The following PHKA1 variants were observed in gnomAD, a reference collection of about 807,000 sequenced individuals.
PHKA1 encodes the protein phosphorylase b kinase regulatory subunit alpha, skeletal muscle isoform.
Under a neutral mutation model 110.2 loss-of-function variants are expected in PHKA1, and 60 were observed. The observed-to-expected ratio is 0.54, with a 90% confidence interval of 0.44 to 0.68. The LOEUF (loss-of-function observed/expected upper bound fraction) is 0.68. PHKA1 is among the 30% of genes least tolerant of loss of function. PHKA1 has a pLI of 0.00. For synonymous variants in PHKA1, 316 were observed against 333.6 expected (o/e 0.95, Z 0.58); for missense variants, 801 against 942.5 (o/e 0.85, Z 1.97).
intron 23 of PHKA1, among the ~76,000 whole-genome samples, chrX:72,606,216 T>A (rs1202699575): frequency 8.9e-6 from 1 of 111,812 alleles, no homozygotes; most frequent in Non-Finnish European, 1.9e-5. Flanking sequence ...TAGAATGTAT[T>A]CCTTCTTTAA....
chrX:72,681,809 C>G, intron 5 of PHKA1, among the ~76,000 whole-genome samples: 1 of 37,808 alleles, frequency 2.6e-5, no homozygotes, highest in Non-Finnish European at 4.3e-5. Context: ...AGTGAGGAGC[C>G]CCTCTGCCCG....
chrX:72,623,911 T>C (rs2053016166), intron 17 of PHKA1, among the ~76,000 whole-genome samples: 1 of 111,917 alleles, frequency 8.9e-6, no homozygotes, highest in Non-Finnish European at 1.9e-5. Context: ...GTGCTGATAC[T>C]AAACTACAAA....
In PHKA1 at chrX:72,613,329, C is replaced by T. The variant is rs895240702; in HGVS notation, c.2370-2145G>A. ...TGGATAAATAGGGGTAAAATTATCC[C>T]CATATATGTCTGTGTTTACCTACAT... On this transcript the variant is annotated intron_variant, in intron 21 of 31. Coordinates refer to ENST00000373542, the MANE Select transcript of PHKA1 (RefSeq NM_002637.4). 7.4e-5 allele frequency among the ~76,000 whole-genome samples: 8 copies of T among 108,191 alleles called. No individual in the cohort carries two copies. In the Admixed American group the frequency reaches 8.0e-4, roughly 11 times the overall value. The allele number at this position is 108,191 out of a possible 115,157, so 94.0% of individuals were successfully genotyped here.
intron 22 of PHKA1, among the ~76,000 whole-genome samples, chrX:72,609,935 G>GT (rs782172623): frequency 9.1e-6 from 1 of 110,455 alleles, no homozygotes; most frequent in Non-Finnish European, 1.9e-5. Flanking sequence ...GGTTTATGGG[G>GT]TTTTTTTCTT....
At chrX:72,599,894 T>C in intron 28 of PHKA1, 1 of 523,341 alleles carries the variant, frequency 1.9e-6, no homozygotes, top group South Asian at 2.6e-5. Context: ...GAAAATAAAA[T>C]TTTAAAAGAT....
intron 6 of PHKA1, among the ~76,000 whole-genome samples, chrX:72,669,520 TC>T (rs1171163449): frequency 1.3e-5 from 1 of 76,653 alleles, no homozygotes; most frequent in Non-Finnish European, 2.5e-5. Flanking sequence ...CCTAATGCTA[TC>T]CCTCCCCCCT....
intron 21 of PHKA1, 57 bp downstream of exon 21, chrX:72,618,653 T>C (rs988434499): frequency 5.1e-6 from 5 of 987,505 alleles, no homozygotes; most frequent in African/African-American, 1.9e-5. Flanking sequence ...CTATTTATTA[T>C]GCTATAATTC....
intron 6 of PHKA1, among the ~76,000 whole-genome samples, chrX:72,674,450 A>G (rs1008691172): frequency 1.8e-5 from 2 of 111,516 alleles, no homozygotes; most frequent in South Asian, 7.7e-4. Flanking sequence ...CTATTTGTCC[A>G]CATCCTCTCC....
intron 10 of PHKA1, among the ~76,000 whole-genome samples, chrX:72,655,730 C>G (rs1316398523): frequency 1.8e-5 from 2 of 110,995 alleles, no homozygotes. Context: ...TCACGCCATT[C>G]TCCTGCCTCA....
intron 3 of PHKA1, chrX:72,697,215 G>T (rs1426340077): frequency 4.5e-5 from 5 of 111,007 alleles, no homozygotes; most frequent in African/African-American, 1.6e-4. Context: ...AACTGGTTTG[G>T]GATTCTGTCT....
At chrX:72,671,684 C>G (rs1316102479) in intron 6 of PHKA1, among the ~76,000 whole-genome samples, 4 of 111,580 alleles carry the variant, frequency 3.6e-5, no homozygotes, top group African/African-American at 1.3e-4. Context: ...TGACTTCAAA[C>G]TATACTACAA....
Position 72,693,459 on chromosome X carries a change from A to AT in PHKA1, c.454+2248_454+2249insA, listed in dbSNP as rs782596826. ...TTACAGCCTGCCTCTCTCCCCAGCA[A>AT]AATTTCCGTGCCAGTGCTCCAGAGC... On this transcript the variant is annotated intron_variant, in intron 4 of 31. Coordinates refer to ENST00000373542, the MANE Select transcript of PHKA1 (RefSeq NM_002637.4). Among the ~76,000 whole-genome samples the AT allele has an allele frequency of 3.6e-5, 4 of 112,140 alleles. No individual in the cohort carries two copies. In the South Asian group the frequency reaches 1.5e-3, roughly 42 times the overall value.
At chrX:72,646,864 C>T (rs187036113) in intron 13 of PHKA1, among the ~76,000 whole-genome samples, 44 of 111,428 alleles carry the variant, frequency 3.9e-4, no homozygotes, top group African/African-American at 1.4e-3. Flanking sequence ...GGCGCTGTGG[C>T]TTACACCTGT....
chrX:72,634,566 CAAA>C (rs782406506), intron 16 of PHKA1, among the ~76,000 whole-genome samples: 5 of 50,404 alleles, frequency 9.9e-5, no homozygotes, highest in Non-Finnish European at 7.8e-5. Flanking sequence ...GAAATCCAGT[CAAA>C]AAAAAAAAAA....
chrX:72,666,043 TAAAGG>T, intron 8 of PHKA1, 103 bp downstream of exon 8: 1 of 785,867 alleles, frequency 1.3e-6, no homozygotes, highest in Non-Finnish European at 1.9e-6. Flanking sequence ...TCAGAAAACT[TAAAGG>T]TTTCTTGAAA....
chrX:72,697,523 A>G (rs2054140303), intron 3 of PHKA1, among the ~76,000 whole-genome samples: 1 of 109,708 alleles, frequency 9.1e-6, no homozygotes, highest in Admixed American at 9.7e-5. Context: ...TCTTTGAGAA[A>G]AAAAAACAAG....
intron 3 of PHKA1, among the ~76,000 whole-genome samples, chrX:72,700,597 T>C (rs1173580195): frequency 5.3e-5 from 6 of 112,198 alleles, no homozygotes; most frequent in Admixed American, 9.5e-5. Context: ...GTTAAAATTA[T>C]TGTGTGCCAC....
intron 6 of PHKA1, among the ~76,000 whole-genome samples, chrX:72,671,450 TG>T (rs1398331792): frequency 1.8e-5 from 2 of 111,617 alleles, no homozygotes; most frequent in Non-Finnish European, 3.8e-5. Context: ...CACAAACAAA[TG>T]GAAGAACATT....
intron 6 of PHKA1, among the ~76,000 whole-genome samples, chrX:72,672,322 T>C (rs782196999): frequency 1.8e-5 from 2 of 111,771 alleles, no homozygotes; most frequent in Non-Finnish European, 3.8e-5. Flanking sequence ...TGAAATGCCT[T>C]GGGGTCTTTC....
Sources: gnomAD v4.1 joint callset for allele counts (sites outside exome capture counted in the v4.1 genomes callset) on GRCh38, gnomAD v4.1.1 for gene constraint, MANE v1.5 for transcripts, NCBI Gene and HGNC (gene_info 2026-07-23, HGNC 2026-07-21) for gene names.